Variants in EHMT1 observed in about 807,000 individuals in gnomAD.
EHMT1 encodes histone-lysine N-methyltransferase EHMT1.
EHMT1 carries 15 observed loss-of-function variants against 147.2 expected under a neutral mutation model. That is an observed-to-expected ratio of 0.10 (90% CI 0.07 to 0.16). The LOEUF is 0.16. EHMT1 is among the 10% of genes least tolerant of loss of function. The probability of loss-of-function intolerance (pLI) is 1.00; values close to 1 mark genes in which losing one functional copy is unlikely to be tolerated. For synonymous variants in EHMT1, 795 were observed against 709.6 expected (o/e 1.12, Z -1.91); for missense variants, 1,587 against 1,772.4 (o/e 0.90, Z 1.88).
At chr9:137,748,904 A>T (rs1423687101) in intron 6 of EHMT1, among the ~76,000 whole-genome samples, 2 of 152,158 alleles carry the variant, frequency 1.3e-5, no homozygotes, top group Non-Finnish European at 2.9e-5. Context: ...TCACTGAAAC[A>T]GTACCCGGTT....
intron 1 of EHMT1, among the ~76,000 whole-genome samples, chr9:137,693,277 A>G (rs1202029843): frequency 6.6e-6 from 1 of 152,136 alleles, no homozygotes; most frequent in Admixed American, 6.5e-5. Context: ...TGTGGCAGAT[A>G]CTAAACACTT....
intron 1 of EHMT1, among the ~76,000 whole-genome samples, chr9:137,653,729 T>C (rs1938119382): frequency 6.6e-6 from 1 of 152,136 alleles, no homozygotes; most frequent in Non-Finnish European, 1.5e-5. Flanking sequence ...GGTTACTCCA[T>C]GTTGCCCACG....
intron 18 of EHMT1, among the ~76,000 whole-genome samples, chr9:137,809,291 C>G (rs78630655): frequency 1.3e-5 from 2 of 152,280 alleles, no homozygotes; most frequent in East Asian, 3.9e-4. Context: ...CGGTGCTGCA[C>G]GGTGTGGAGT....
At chr9:137,667,608 A>G (rs1334091388) in intron 1 of EHMT1, 2 of 152,058 alleles carry the variant, frequency 1.3e-5, no homozygotes, top group African/African-American at 4.8e-5. Flanking sequence ...AATTTTAGAG[A>G]TGGGGTGGTG....
At chr9:137,662,577 G>A (rs1939192758) in intron 1 of EHMT1, among the ~76,000 whole-genome samples, 1 of 152,084 alleles carries the variant, frequency 6.6e-6, no homozygotes, top group South Asian at 2.1e-4. Flanking sequence ...TCAGCTCACT[G>A]CAACCTCCGC....
rs1000210689 is a variant in EHMT1, at chr9:137,731,201, C to T, written c.823+2672C>T. 2.6e-5 allele frequency among the ~76,000 whole-genome samples: 4 copies of T among 152,184 alleles called. No homozygotes were observed. Among genetic ancestry groups the T allele is most frequent in the African/African-American group, 7.2e-5 (3 of 41,438 alleles). ...AACCTGGAAGTGGGTGGTCCATCAG[C>T]GTGTTAGCCTAGGACAGTGTGTAAA... On this transcript the variant is annotated intron_variant, in intron 4 of 26. Coordinates refer to ENST00000460843, the MANE Select transcript of EHMT1 (RefSeq NM_024757.5). This position sits in a 1 kb window ranked among gnomAD's most constrained non-coding sequence, Gnocchi z 4.3.
chr9:137,706,070 C>G, intron 1 of EHMT1, among the ~76,000 whole-genome samples: 2 of 9,642 alleles, frequency 2.1e-4, no homozygotes, highest in African/African-American at 9.8e-4. Flanking sequence ...GGGGCGTCAG[C>G]AGGGGTGGGG....
chr9:137,803,837 TAAA>T (rs773946581), intron 18 of EHMT1, among the ~76,000 whole-genome samples: 1 of 126,960 alleles, frequency 7.9e-6, no homozygotes. Flanking sequence ...TCTCAAAAAT[TAAA>T]AAAAAAAAAA....
chr9:137,778,035 C>T lies in EHMT1; in HGVS notation c.2172C>T (p.Leu724=). ...GPGKETLESA[L]IALDSEKPKK... Reference sequence around the variant, plus strand: ...GGAAGGAAACCTTGGAGAGCGCTCTCATCGCCCTCGACTCGGAAAAGTAAG... The same window carrying T: ...GGAAGGAAACCTTGGAGAGCGCTCTTATCGCCCTCGACTCGGAAAAGTAAG... The change falls in exon 13 of 27, where the codon CTC becomes CTT. Residue 724 remains leucine, a synonymous_variant. Coordinates refer to ENST00000460843, the MANE Select transcript of EHMT1 (RefSeq NM_024757.5). 3 of 1,613,902 alleles carry T rather than the reference C, an allele frequency of 1.9e-6. No homozygotes were observed. Among genetic ancestry groups the T allele is most frequent in the South Asian group, 1.1e-5 (1 of 91,066 alleles).
At chr9:137,702,319 A>C (rs1487444688) in intron 1 of EHMT1, among the ~76,000 whole-genome samples, 1 of 152,254 alleles carries the variant, frequency 6.6e-6, no homozygotes, top group Admixed American at 6.5e-5. Context: ...CCTTCTGCCT[A>C]TCAGCCTGTA....
At chr9:137,791,371 A>G (rs1371939062) in intron 16 of EHMT1, among the ~76,000 whole-genome samples, 1 of 152,224 alleles carries the variant, frequency 6.6e-6, no homozygotes, top group Non-Finnish European at 1.5e-5. Flanking sequence ...ATCCTAAAGA[A>G]TATGCAAAAA....
At chr9:137,676,813 TC>T (rs1397915784) in intron 1 of EHMT1, among the ~76,000 whole-genome samples, 1 of 152,082 alleles carries the variant, frequency 6.6e-6, no homozygotes, top group Admixed American at 6.5e-5. Flanking sequence ...TCTTTTCAGT[TC>T]CTGGGTGAGG....
chr9:137,761,752 C>T (rs1438726050), intron 9 of EHMT1, among the ~76,000 whole-genome samples: 5 of 152,224 alleles, frequency 3.3e-5, no homozygotes, highest in East Asian at 1.9e-4. Flanking sequence ...CCACCGCGCC[C>T]AGCCAAGAGT....
rs374873054 is a variant in EHMT1, at chr9:137,817,254, G to A, written c.3375-185G>A. The A allele has an allele frequency of 4.5e-4, 313 of 688,132 alleles. No individual in the cohort carries two copies. The African/African-American group carries it at 4.6e-3, about 10-fold the overall frequency. The allele number at this position is 688,132 out of a possible 1,614,324, so 42.6% of individuals were successfully genotyped here. On this transcript the variant is annotated intron_variant, in intron 23 of 26. Coordinates refer to ENST00000460843, the MANE Select transcript of EHMT1 (RefSeq NM_024757.5). ...GCTGGGGTGCTCCTGGCTGATCCCC[G>A]GGTTCTTGGCTCCCTGAGAGTGCGA...
Position 137,775,044 on chromosome 9 carries a change from C to T in EHMT1, c.1648-65C>T. ...CTTGTGTGCCTGCACTGCCCAGCGC[C>T]TGGTGGGAGGGAATGCCGGCCTCTC... On this transcript the variant is annotated intron_variant, in intron 10 of 26. Transcript: ENST00000460843. This position sits in a 1 kb window ranked among gnomAD's most constrained non-coding sequence, Gnocchi z 6.1. 6.2e-7 allele frequency: 1 copy of T among 1,611,080 alleles called. No homozygotes were observed. Among genetic ancestry groups the T allele is most frequent in the Non-Finnish European group, 8.5e-7 (1 of 1,178,140 alleles).
intron 3 of EHMT1, among the ~76,000 whole-genome samples, chr9:137,723,990 G>A (rs1021719778): frequency 1.3e-5 from 2 of 152,210 alleles, no homozygotes; most frequent in African/African-American, 4.8e-5. Flanking sequence ...CGCCGGAAGG[G>A]AACATTTTTT....
chr9:137,631,613 C>T (rs1457860037), intron 1 of EHMT1, among the ~76,000 whole-genome samples: 1 of 152,112 alleles, frequency 6.6e-6, no homozygotes, highest in African/African-American at 2.4e-5. Flanking sequence ...TGGTGGCTCA[C>T]ACCTGTAATC....
At chr9:137,802,033 C>T (rs1953530916) in intron 18 of EHMT1, among the ~76,000 whole-genome samples, 1 of 152,208 alleles carries the variant, frequency 6.6e-6, no homozygotes, top group South Asian at 2.1e-4. Flanking sequence ...TTGTAAGGCC[C>T]ATTTGTTTGC....
chr9:137,715,363 C>T (rs1945112571), intron 2 of EHMT1, among the ~76,000 whole-genome samples: 1 of 152,204 alleles, frequency 6.6e-6, no homozygotes, highest in Admixed American at 6.5e-5. Flanking sequence ...TTATTCAGAA[C>T]ACACACATTA....
Sources: gnomAD v4.1 joint callset for allele counts (sites outside exome capture counted in the v4.1 genomes callset) on GRCh38, gnomAD v4.1.1 for gene constraint, Gnocchi (gnomAD v3.1) non-coding constraint, MANE v1.5 for transcripts, NCBI Gene and HGNC (gene_info 2026-07-23, HGNC 2026-07-21) for gene names.